The following VPS13D variants were observed in gnomAD, a reference collection of about 807,000 sequenced individuals.
The protein encoded by VPS13D is intermembrane lipid transfer protein VPS13D.
Under a neutral mutation model 461.9 loss-of-function variants are expected in VPS13D, and 187 were observed. The observed-to-expected ratio is 0.40, with a 90% CI of 0.36 to 0.46. The LOEUF (loss-of-function observed/expected upper bound fraction) is 0.46. Ranked by LOEUF, VPS13D falls within the 20% of genes least tolerant of loss-of-function variation. VPS13D has a pLI of 0.60. For synonymous variants in VPS13D, 1,951 were observed against 1,986.3 expected (o/e 0.98, Z 0.47); for missense variants, 4,711 against 5,364.9 (o/e 0.88, Z 3.81).
At chr1:12,336,908 A>G (rs1431355857) in intron 39 of VPS13D, 2 of 152,208 alleles carry the variant, frequency 1.3e-5, no homozygotes, top group African/African-American at 4.8e-5. Context: ...AATATGTCCA[A>G]GAGAGTGTGT....
In VPS13D at chr1:12,507,128, C is replaced by T. The variant is rs771120272; in HGVS notation, c.13035+35C>T. On this transcript the variant is annotated intron_variant, in intron 69 of 69. Coordinates refer to ENST00000620676, the MANE Select transcript of VPS13D (RefSeq NM_015378.4). The surrounding 1 kb of genome is among the most constrained non-coding windows in gnomAD (Gnocchi z 5.3). ...TGGCTGTTCTCAGGCTCCTGAGGGG[C>T]GGGGCCAGGGCCTCGATGCCTCTGC... is the stretch of plus-strand genomic sequence containing the variant. The T allele has an allele frequency of 1.1e-5, 17 of 1,612,194 alleles. No individual in the cohort carries two copies. The highest frequency in any genetic ancestry group is 6.6e-5 in the South Asian group (6 of 90,928).
intron 67 of VPS13D, among the ~76,000 whole-genome samples, chr1:12,461,414 A>C (rs1249126767): frequency 2.6e-5 from 4 of 152,192 alleles, no homozygotes. Context: ...GACTGGGGCC[A>C]TGCAGTGTGC....
chr1:12,395,781 A>G (rs1473356747), intron 60 of VPS13D, among the ~76,000 whole-genome samples: 1 of 151,676 alleles, frequency 6.6e-6, no homozygotes, highest in Non-Finnish European at 1.5e-5. Context: ...TAATTCTCCA[A>G]ACGGTTCACG....
At chr1:12,317,008 A>T (rs1294013856) in intron 30 of VPS13D, among the ~76,000 whole-genome samples, 1 of 60,256 alleles carries the variant, frequency 1.7e-5, no homozygotes, top group African/African-American at 6.3e-5. Context: ...CCCCACCCCC[A>T]CCCCAACTCT....
At chr1:12,310,825 CTCCT>C (rs1329058114) in intron 27 of VPS13D, among the ~76,000 whole-genome samples, 10 of 113,902 alleles carry the variant, frequency 8.8e-5, no homozygotes, top group Admixed American at 6.3e-4. Context: ...CCCTCCTTCC[CTCCT>C]TCCTTCCTTC....
At position 12,276,807 on chromosome 1, in the gene VPS13D, C is replaced by T; in HGVS notation, c.3219C>T (p.Thr1073=). ...ATSVSLDKIL[T]KEQESLIKLE... Reference sequence around the variant, plus strand: ...GTGTTTCACTTGACAAAATTCTTACCAAAGAGCAAGAGTCCCTTATTAAGT... The same window carrying T: ...GTGTTTCACTTGACAAAATTCTTACTAAAGAGCAAGAGTCCCTTATTAAGT... Residue 1073 remains threonine (T), a synonymous_variant, in exon 19 of 70, where the codon ACC becomes ACT. Coordinates refer to ENST00000620676, the MANE Select transcript of VPS13D (RefSeq NM_015378.4). This position sits in a 1 kb window ranked among gnomAD's most constrained non-coding sequence, Gnocchi z 4.5. The T allele has an allele frequency of 1.2e-6, 2 of 1,614,148 alleles. No homozygotes were observed. The highest frequency in any genetic ancestry group is 1.7e-6 in the Non-Finnish European group (2 of 1,180,026).
intron 67 of VPS13D, among the ~76,000 whole-genome samples, chr1:12,490,608 C>T (rs908919505): frequency 2.6e-5 from 4 of 151,732 alleles, no homozygotes; most frequent in South Asian, 2.1e-4. Flanking sequence ...GCTACAGGTC[C>T]GAGATAGATG....
At chr1:12,286,589 C>T (rs1641982561) in intron 21 of VPS13D, among the ~76,000 whole-genome samples, 1 of 152,164 alleles carries the variant, frequency 6.6e-6, no homozygotes, top group Admixed American at 6.5e-5. Context: ...CTTCTTTTAT[C>T]CTCTATTTTA....
rs117562053 is a variant in VPS13D at position 12,410,655 on chromosome 1, T to A, written c.12031-4432T>A. 2.9e-3 allele frequency among the ~76,000 whole-genome samples: 435 copies of A among 152,092 alleles called. 8 individuals are homozygous for A. The East Asian group carries it at 0.055, about 19-fold the overall frequency. ...GTTTACCAGAAAACTATAATTTTTT[T>A]AAAAAAATTATCAAATAATAAGGGA... On this transcript the variant is annotated intron_variant, in intron 63 of 69. Coordinates refer to ENST00000620676, the MANE Select transcript of VPS13D (RefSeq NM_015378.4).
intron 30 of VPS13D, among the ~76,000 whole-genome samples, chr1:12,316,997 C>T (rs1642904212): frequency 6.7e-6 from 1 of 148,422 alleles, no homozygotes; most frequent in Non-Finnish European, 1.5e-5. Context: ...GCAACTTGTC[C>T]CCCCACCCCC....
intron 40 of VPS13D, among the ~76,000 whole-genome samples, chr1:12,339,972 A>G (rs1405712851): frequency 6.6e-6 from 1 of 152,222 alleles, no homozygotes; most frequent in East Asian, 1.9e-4. Context: ...ACAGTGGGAT[A>G]TGAAAGCACA....
intron 7 of VPS13D, 44 bp from the exon 8 acceptor site, chr1:12,256,289 A>T: frequency 1.3e-6 from 2 of 1,590,100 alleles, no homozygotes; most frequent in Non-Finnish European, 8.6e-7. Context: ...GACTACCAGA[A>T]GGAAAGCCAT....
intron 63 of VPS13D, among the ~76,000 whole-genome samples, chr1:12,404,924 C>T (rs1229467140): frequency 6.6e-6 from 1 of 152,210 alleles, no homozygotes; most frequent in Non-Finnish European, 1.5e-5. Flanking sequence ...AAAGATAATA[C>T]TCAAGACCTC....
At chr1:12,351,647 AATG>A (rs1289739153) in intron 46 of VPS13D, among the ~76,000 whole-genome samples, 5 of 150,576 alleles carry the variant, frequency 3.3e-5, no homozygotes, top group African/African-American at 1.2e-4. Context: ...GCTGCAGTGC[AATG>A]GTGTGATCTT....
chr1:12,445,693 GA>G (rs1004301897), intron 65 of VPS13D, among the ~76,000 whole-genome samples: 1 of 151,802 alleles, frequency 6.6e-6, no homozygotes, highest in Non-Finnish European at 1.5e-5. Flanking sequence ...TAGCCCATCT[GA>G]AAAAAAATGG....
At chr1:12,253,598 T>C (rs2101248841) in intron 6 of VPS13D, 124 bp from the exon 7 acceptor site, 1 of 707,884 alleles carries the variant, frequency 1.4e-6, no homozygotes, top group Non-Finnish European at 2.4e-6. Flanking sequence ...TTTAATTGAG[T>C]TATATGTCCA....
At chr1:12,301,855 C>G (rs1031899851) in intron 25 of VPS13D, among the ~76,000 whole-genome samples, 1 of 152,154 alleles carries the variant, frequency 6.6e-6, no homozygotes, top group Non-Finnish European at 1.5e-5. Context: ...TCTGGAGATT[C>G]CAAGGGTCTT....
Position 12,453,567 on chromosome 1 carries a change from C to A in VPS13D, c.12334-2431C>A, listed in dbSNP as rs1418401012. Among the ~76,000 whole-genome samples the A allele has an allele frequency of 4.5e-4, 68 of 152,158 alleles. 1 individual carries two copies. ...AGAGAGACACGTTTTTGTCTGGAAC[C>A]TGAAGAACGCTGGCAGCCTACATAA... On this transcript the variant is annotated intron_variant, in intron 65 of 69. Coordinates refer to ENST00000620676, the MANE Select transcript of VPS13D (RefSeq NM_015378.4).
At chr1:12,238,016 G>C (rs1020583229) in intron 2 of VPS13D, among the ~76,000 whole-genome samples, 1 of 151,822 alleles carries the variant, frequency 6.6e-6, no homozygotes, top group African/African-American at 2.4e-5. Context: ...GTTAGCGGGG[G>C]TGGTGGCGTG....
Sources: allele counts gnomAD v4.1 joint callset (sites outside exome capture counted in the v4.1 genomes callset), GRCh38; gene constraint gnomAD v4.1.1; non-coding constraint Gnocchi (gnomAD v3.1); transcripts MANE v1.5; gene names NCBI Gene and HGNC (gene_info 2026-07-23, HGNC 2026-07-21).